C10orf90: variants seen among roughly 807,000 people sequenced by gnomAD.
C10orf90 encodes (E2-independent) E3 ubiquitin-conjugating enzyme FATS.
A neutral mutation model predicts 62.5 loss-of-function variants in C10orf90; 56 were observed. The observed-to-expected ratio is 0.90, with a 90% CI of 0.72 to 1.12. The LOEUF (loss-of-function observed/expected upper bound fraction) is 1.12. Ranked by LOEUF, C10orf90 falls within the 50% of genes most tolerant of loss-of-function variation. The pLI is 0.00. For synonymous variants in C10orf90, 386 were observed against 340.4 expected, an observed-to-expected ratio of 1.13 and a Z score of -1.47; for missense variants, 970 against 880.4, an observed-to-expected ratio of 1.10 and a Z score of -1.29.
intron 4 of C10orf90, among the ~76,000 whole-genome samples, chr10:126,502,472 C>T (rs374331907): frequency 3.9e-5 from 6 of 152,286 alleles, no homozygotes; most frequent in Non-Finnish European, 8.8e-5. Flanking sequence ...TTCACAAAAT[C>T]ACAATCAAAA....
chr10:126,606,939 T>A (rs1373025019), intron 2 of C10orf90, among the ~76,000 whole-genome samples: 1 of 152,172 alleles, frequency 6.6e-6, no homozygotes, highest in Non-Finnish European at 1.5e-5. Flanking sequence ...AAGAGAAAAC[T>A]GCTAAAAGTA....
intron 2 of C10orf90, among the ~76,000 whole-genome samples, chr10:126,590,923 C>A (rs1240840447): frequency 6.6e-6 from 1 of 152,130 alleles, no homozygotes; most frequent in Non-Finnish European, 1.5e-5. Context: ...TATCTATATG[C>A]ACATAAACTA....
chr10:126,502,826 GT>G lies in C10orf90; in HGVS notation c.1534+1130del, dbSNP rs964444144. The G allele has an allele frequency of 9.5e-6, 5 of 528,520 alleles. No homozygotes were observed. In the African/African-American group the frequency reaches 9.7e-5, roughly 10 times the overall value. The allele number at this position is 528,520 out of a possible 1,614,324, so 32.7% of individuals were successfully genotyped here. On this transcript the variant is annotated intron_variant, in intron 4 of 9. Transcript: ENST00000488181. ...GATAGCTGCTTATGTTGTCCTTCTTGTAATAAGTCTGTAAGACATGCATTTC... is the reference window on the plus strand; with the variant it reads ...GATAGCTGCTTATGTTGTCCTTCTTGAATAAGTCTGTAAGACATGCATTTC...
intron 2 of C10orf90, among the ~76,000 whole-genome samples, chr10:126,590,966 C>T (rs1213468659): frequency 6.6e-6 from 1 of 152,144 alleles, no homozygotes; most frequent in African/African-American, 2.4e-5. Context: ...CATTCCTGGA[C>T]ACATACACCC....
intron 7 of C10orf90, among the ~76,000 whole-genome samples, chr10:126,442,633 G>GTATATATATATATA (rs56368633): frequency 4.5e-5 from 4 of 88,476 alleles, no homozygotes; most frequent in Non-Finnish European, 6.1e-5. Flanking sequence ...TTGTGTGTGT[G>GTATATATATATATA]TATATATATA....
At chr10:126,625,385 C>A (rs1845722825) in intron 2 of C10orf90, among the ~76,000 whole-genome samples, 1 of 152,152 alleles carries the variant, frequency 6.6e-6, no homozygotes, top group African/African-American at 2.4e-5. Context: ...ACACAGCTCA[C>A]CACAGTGTTA....
chr10:126,474,627 G>A (rs546370681), intron 4 of C10orf90, among the ~76,000 whole-genome samples: 2 of 152,290 alleles, frequency 1.3e-5, no homozygotes, highest in East Asian at 3.9e-4. Flanking sequence ...AATATCGCAA[G>A]TATGAAAAAT....
intron 1 of C10orf90, among the ~76,000 whole-genome samples, chr10:126,664,353 T>C (rs1335017724): frequency 1.3e-5 from 2 of 152,168 alleles, no homozygotes; most frequent in Non-Finnish European, 1.5e-5. Flanking sequence ...CGTGGCTCTG[T>C]GTCACTTTCA....
At chr10:126,611,309 G>A (rs890847474) in intron 2 of C10orf90, among the ~76,000 whole-genome samples, 7 of 152,176 alleles carry the variant, frequency 4.6e-5, no homozygotes, top group Non-Finnish European at 7.4e-5. Context: ...ATTCATCCAT[G>A]TAGTAATATG....
At chr10:126,638,286 T>A (rs1396522119) in intron 2 of C10orf90, among the ~76,000 whole-genome samples, 1 of 152,050 alleles carries the variant, frequency 6.6e-6, no homozygotes, top group Non-Finnish European at 1.5e-5. Flanking sequence ...GAGCCAGGGA[T>A]GTGTGTGGGA....
chr10:126,635,419 G>A (rs1050093866), intron 2 of C10orf90, among the ~76,000 whole-genome samples: 2 of 152,132 alleles, frequency 1.3e-5, no homozygotes. Context: ...AATATCAGCT[G>A]TGGCTTAAGG....
chr10:126,559,052 A>G (rs905986682), intron 2 of C10orf90, among the ~76,000 whole-genome samples: 6 of 152,258 alleles, frequency 3.9e-5, no homozygotes, highest in African/African-American at 1.4e-4. Context: ...AAATACTTGC[A>G]TGTAGTAATT....
chr10:126,432,591 AC>A (rs1278602465), intron 7 of C10orf90, among the ~76,000 whole-genome samples: 1 of 152,194 alleles, frequency 6.6e-6, no homozygotes. Flanking sequence ...TTAAACCAAG[AC>A]CCGAATGACC....
intron 7 of C10orf90, among the ~76,000 whole-genome samples, chr10:126,430,765 T>C (rs1054116771): frequency 6.6e-6 from 1 of 152,208 alleles, no homozygotes. Flanking sequence ...GTGGGGCTCC[T>C]GCGATCCCCA....
chr10:126,478,151 C>A (rs1015523812), intron 4 of C10orf90, among the ~76,000 whole-genome samples: 6 of 152,184 alleles, frequency 3.9e-5, no homozygotes, highest in Non-Finnish European at 5.9e-5. Context: ...TGTGACATGG[C>A]ATCATTTGAG....
chr10:126,538,207 AAAACCATCAGATCTTATG>A (rs1356013791), intron 2 of C10orf90, among the ~76,000 whole-genome samples: 1 of 152,192 alleles, frequency 6.6e-6, no homozygotes, highest in Non-Finnish European at 1.5e-5. Flanking sequence ...TCCCTTTTAT[AAAACCATCAGATCTTATG>A]AGACTTACTA....
intron 7 of C10orf90, among the ~76,000 whole-genome samples, chr10:126,432,176 G>T (rs1002053412): frequency 6.6e-6 from 1 of 152,178 alleles, no homozygotes. Context: ...TAGAGCAAGT[G>T]CATTGCAAAC....
chr10:126,457,941 C>T (rs541654188), intron 7 of C10orf90, among the ~76,000 whole-genome samples: 3 of 152,288 alleles, frequency 2.0e-5, no homozygotes, highest in South Asian at 2.1e-4. Context: ...CATCCCCTTT[C>T]GTTAGTATAC....
chr10:126,532,915 GTAT>G (rs200872045), intron 2 of C10orf90, among the ~76,000 whole-genome samples: 5 of 140,776 alleles, frequency 3.6e-5, no homozygotes, highest in East Asian at 2.1e-4. Context: ...GCTTGCTACT[GTAT>G]TATTATTATT....
Sources: allele counts gnomAD v4.1 joint callset (sites outside exome capture counted in the v4.1 genomes callset), GRCh38; gene constraint gnomAD v4.1.1; transcripts MANE v1.5; gene names NCBI Gene and HGNC (gene_info 2026-07-23, HGNC 2026-07-21).